The following TTYH3 variants were observed in gnomAD, a reference collection of about 807,000 sequenced individuals.
The protein encoded by TTYH3 is protein tweety homolog 3.
TTYH3 carries 23 observed loss-of-function variants against 68.2 expected under a neutral mutation model. The observed-to-expected ratio is 0.34, with a 90% CI of 0.24 to 0.48. TTYH3 has a LOEUF of 0.48. Ranked by LOEUF, TTYH3 falls within the 20% of genes least tolerant of loss-of-function variation. The pLI, the probability that TTYH3 is intolerant of heterozygous loss-of-function variation, is 0.99. For missense variants in TTYH3, 768 were observed against 727.7 expected, an observed-to-expected ratio of 1.06 and a Z score of -0.64; for synonymous variants, 360 against 332.8, an observed-to-expected ratio of 1.08 and a Z score of -0.89.
At chr7:2,633,334 A>C (rs1314832091) in intron 1 of TTYH3, among the ~76,000 whole-genome samples, 1 of 152,086 alleles carries the variant, frequency 6.6e-6, no homozygotes. Context: ...ACTCTTCAGA[A>C]CTGCGTTGTC....
At chr7:2,657,559 G>C (rs1465929775) in intron 11 of TTYH3, among the ~76,000 whole-genome samples, 2 of 152,178 alleles carry the variant, frequency 1.3e-5, no homozygotes, top group African/African-American at 4.8e-5. Context: ...CATAGCCCTG[G>C]ACCCACAGGG....
At chr7:2,653,362 A>G (rs1047479129) in intron 9 of TTYH3, among the ~76,000 whole-genome samples, 4 of 152,380 alleles carry the variant, frequency 2.6e-5, no homozygotes, top group Admixed American at 1.3e-4. Context: ...CGTTTAAAAA[A>G]TAACTTTATT....
At chr7:2,642,994 C>T (rs1280593306) in intron 1 of TTYH3, among the ~76,000 whole-genome samples, 2 of 147,800 alleles carry the variant, frequency 1.4e-5, no homozygotes, top group Non-Finnish European at 3.0e-5. Context: ...ACCTGGGAGG[C>T]GGAGGTTTCA....
chr7:2,660,261 G>T (rs1466465879), intron 13 of TTYH3: 3 of 985,254 alleles, frequency 3.0e-6, no homozygotes, highest in Non-Finnish European at 3.6e-6. Flanking sequence ...CCCCTTCCAG[G>T]CTCCCCCTGC....
Position 2,649,478 on chromosome 7 carries a change from A to C in TTYH3, c.723-89A>C, listed in dbSNP as rs972179631. 1.4e-5 allele frequency: 19 copies of C among 1,325,688 alleles called. No homozygotes were observed. The African/African-American group carries it at 2.0e-4, about 14-fold the overall frequency. 82.1% of individuals were successfully genotyped at this position (1,325,688 alleles called of 1,614,324 possible). On this transcript the variant is annotated intron_variant, in intron 5 of 13. Transcript: ENST00000258796. ...ATGTGTGGGCTGACCCCTGATGTGCACTGGGACCTGCCTTCTGGCCTGCAG... is the reference window on the plus strand; with the variant it reads ...ATGTGTGGGCTGACCCCTGATGTGCCCTGGGACCTGCCTTCTGGCCTGCAG...
At chr7:2,660,595 C>A in intron 13 of TTYH3, 1 of 957,678 alleles carries the variant, frequency 1.0e-6, no homozygotes, top group Non-Finnish European at 1.2e-6. Context: ...CCTTGTGCTG[C>A]ATGTCAGTGG....
At position 2,658,616 on chromosome 7, in the gene TTYH3, C is replaced by T. The variant is rs376960799; in HGVS notation, c.1424+157C>T. Among the ~76,000 whole-genome samples the T allele has an allele frequency of 7.0e-4, 107 of 152,350 alleles. 1 individual carries two copies. In the South Asian group the frequency reaches 0.012, roughly 17 times the overall value. Reference sequence around the variant, plus strand: ...GAGTGCCTCCTGCCCCAGGTGAACACGGTCCAGGGGCCATGGAGAGGCCAC... The same window carrying T: ...GAGTGCCTCCTGCCCCAGGTGAACATGGTCCAGGGGCCATGGAGAGGCCAC... On this transcript the variant is annotated intron_variant, in intron 12 of 13. Coordinates refer to ENST00000258796, the MANE Select transcript of TTYH3 (RefSeq NM_025250.3).
intron 13 of TTYH3, chr7:2,660,639 CA>C (rs2115000704): frequency 2.3e-6 from 2 of 864,940 alleles, no homozygotes; most frequent in African/African-American, 3.6e-5. Context: ...CTCCTCCCCC[CA>C]CCCCCTCCGT....
intron 1 of TTYH3, among the ~76,000 whole-genome samples, chr7:2,634,097 T>G (rs1785595234): frequency 6.6e-6 from 1 of 152,156 alleles, no homozygotes; most frequent in Admixed American, 6.5e-5. Context: ...CTGCCTCATC[T>G]CCACAGAGCA....
In TTYH3 at chr7:2,658,366, C is replaced by T. The variant is rs1423958699; in HGVS notation, c.1331C>T (p.Pro444Leu). 1 of 1,611,732 alleles carries T rather than the reference C, an allele frequency of 6.2e-7. No individual in the cohort carries two copies. ...AHDSLYRVHM[P>L]SLYSCGSSYG... ...GACAGCCTCTACCGCGTCCACATGC[C>T]CAGCCTGTACAGCTGTGGCAGCAGC... Residue 444 changes from proline (P) to leucine (L), a missense_variant, in exon 12 of 14, where the codon CCC (proline) becomes CTC (leucine). By Grantham distance (98) the Pro-to-Leu change is moderately conservative. Transcript: ENST00000258796.
At chr7:2,653,850 G>A (rs533881190) in intron 9 of TTYH3, among the ~76,000 whole-genome samples, 27 of 151,812 alleles carry the variant, frequency 1.8e-4, no homozygotes, top group Admixed American at 1.2e-3. Flanking sequence ...GCAACAGAGC[G>A]AGACTCCATC....
chr7:2,650,593 G>A (rs1786147627), intron 7 of TTYH3, among the ~76,000 whole-genome samples: 2 of 151,746 alleles, frequency 1.3e-5, no homozygotes, highest in African/African-American at 4.8e-5. Flanking sequence ...AAAAAAAGTA[G>A]AGCCAGAAGG....
chr7:2,649,792 C>T (rs1786111254), intron 6 of TTYH3, 121 bp from the exon 7 acceptor site: 4 of 1,427,844 alleles, frequency 2.8e-6, no homozygotes, highest in Non-Finnish European at 3.9e-6. Context: ...ACCTGTAACC[C>T]CAGATTCACA....
chr7:2,659,866 C>T, intron 13 of TTYH3: 1 of 1,266,586 alleles, frequency 7.9e-7, no homozygotes, highest in Non-Finnish European at 1.0e-6. Context: ...CACTCCTGGC[C>T]CCACACCCTG....
intron 13 of TTYH3, among the ~76,000 whole-genome samples, chr7:2,659,546 A>G (rs1421920443): frequency 6.6e-6 from 1 of 152,146 alleles, no homozygotes; most frequent in Non-Finnish European, 1.5e-5. Context: ...GTTTCAGCCC[A>G]GGCCTGGTGT....
chr7:2,657,938 C>T (rs761403201), intron 11 of TTYH3, among the ~76,000 whole-genome samples: 1 of 152,178 alleles, frequency 6.6e-6, no homozygotes, highest in Non-Finnish European at 1.5e-5. Context: ...AGCCAAGAGG[C>T]ACCCCAGCCT....
chr7:2,660,430 T>A (rs1414070925), intron 13 of TTYH3: 1 of 985,286 alleles, frequency 1.0e-6, no homozygotes, highest in Non-Finnish European at 1.2e-6. Flanking sequence ...CAACTGCGTG[T>A]CAGGGGCGTG....
chr7:2,647,011 G>T lies in TTYH3; in HGVS notation c.282G>T (p.Thr94=). ...CCTAWCVIIA[T]LVCSAGIAVG... is the part of the protein sequence containing the mutation. ...CGGCCTGGTGTGTCATCATCGCCAC[G>T]CTGGTGTGCAGGTGAGCGCGGTGGG... The change falls in exon 2 of 14, where the codon ACG becomes ACT. Residue 94 remains threonine, a synonymous_variant. Coordinates refer to ENST00000258796, the MANE Select transcript of TTYH3 (RefSeq NM_025250.3). 1 of 1,573,884 alleles carries T rather than the reference G, an allele frequency of 6.4e-7. No homozygotes were observed. The highest frequency in any genetic ancestry group is 8.6e-7 in the Non-Finnish European group (1 of 1,164,284).
rs778284388 is a variant in TTYH3, at chr7:2,646,877, G to T, written c.148G>T (p.Ala50Ser). The T allele has an allele frequency of 6.3e-7, 1 of 1,597,064 alleles. No homozygotes were observed. The highest frequency in any genetic ancestry group is 2.2e-5 in the East Asian group (1 of 44,812). The change falls in exon 2 of 14, where the codon GCC becomes TCC. Residue 50 changes from alanine to serine, a missense_variant. Ala to Ser is a moderately conservative substitution (Grantham distance 99). Coordinates refer to ENST00000258796, the MANE Select transcript of TTYH3 (RefSeq NM_025250.3). ...QQALLLLGAAALACLALDLLF... is the reference protein window; with the variant it reads ...QQALLLLGAASLACLALDLLF... ...GGCCCTGCTGCTCCTGGGGGCCGCC[G>T]CCCTGGCCTGCCTCGCCCTGGACCT...
Sources: gnomAD v4.1 joint callset for allele counts (sites outside exome capture counted in the v4.1 genomes callset) on GRCh38, gnomAD v4.1.1 for gene constraint, MANE v1.5 for transcripts, NCBI Gene and HGNC (gene_info 2026-07-23, HGNC 2026-07-21) for gene names.